The following MAPK10 variants were observed in gnomAD, a reference collection of about 807,000 sequenced individuals.
The protein encoded by MAPK10 is JNK3 alpha protein kinase.
MAPK10 carries 25 observed loss-of-function variants against 59.3 expected under a neutral mutation model. That is an observed-to-expected ratio of 0.42 (90% CI 0.31 to 0.59). The LOEUF is 0.59. MAPK10 is among the 20% of genes least tolerant of loss of function. The pLI is 0.15. For synonymous variants in MAPK10, 190 were observed against 200.5 expected (o/e 0.95, Z 0.44); for missense variants, 351 against 568.9 (o/e 0.62, Z 3.90).
intron 1 of MAPK10, among the ~76,000 whole-genome samples, chr4:86,517,269 C>CTTTTTTT (rs1176457005): frequency 3.6e-4 from 30 of 84,276 alleles, no homozygotes; most frequent in Non-Finnish European, 4.4e-4. Flanking sequence ...GGTGTATTAT[C>CTTTTTTT]TTTTTTTTTT....
At chr4:86,434,833 C>T (rs1748498284) in intron 1 of MAPK10, among the ~76,000 whole-genome samples, 1 of 152,212 alleles carries the variant, frequency 6.6e-6, no homozygotes, top group African/African-American at 2.4e-5. Flanking sequence ...ATTGAAGAGA[C>T]ATCTGTACTC....
At chr4:86,172,401 A>G (rs995432939) in intron 3 of MAPK10, among the ~76,000 whole-genome samples, 1 of 150,736 alleles carries the variant, frequency 6.6e-6, no homozygotes, top group Non-Finnish European at 1.5e-5. Context: ...GCCATAAAAA[A>G]TGATGAGTTC....
At chr4:86,100,300 CT>C (rs2055104314) in intron 8 of MAPK10, 1 of 152,042 alleles carries the variant, frequency 6.6e-6, no homozygotes, top group Non-Finnish European at 1.5e-5. Context: ...CATTGCAATG[CT>C]TTCTAACATA....
intron 1 of MAPK10, chr4:86,542,382 T>G (rs1758780246): frequency 1.3e-5 from 2 of 152,224 alleles, no homozygotes; most frequent in Admixed American, 1.3e-4. Flanking sequence ...TCAACCTCCT[T>G]TAGCCCCAAA....
At chr4:86,562,517 T>G (rs1186637037) in intron 1 of MAPK10, among the ~76,000 whole-genome samples, 1 of 151,852 alleles carries the variant, frequency 6.6e-6, no homozygotes, top group Admixed American at 6.6e-5. Flanking sequence ...AAGGAGACCT[T>G]ATCTCAGTAA....
intron 3 of MAPK10, among the ~76,000 whole-genome samples, chr4:86,161,037 T>C (rs1236492810): frequency 6.6e-6 from 1 of 151,964 alleles, no homozygotes; most frequent in African/African-American, 2.4e-5. Context: ...AATCCAGTGC[T>C]AGGATCTTGA....
intron 2 of MAPK10, among the ~76,000 whole-genome samples, chr4:86,229,573 TA>T (rs1168211927): frequency 1.3e-5 from 2 of 152,176 alleles, no homozygotes; most frequent in Non-Finnish European, 2.9e-5. Context: ...TGGCCTGTGT[TA>T]TGAAGGAAAT....
chr4:86,179,063 A>G (rs147252082), intron 3 of MAPK10, among the ~76,000 whole-genome samples: 12,850 of 152,000 alleles, frequency 0.085, 1,203 homozygotes, highest in African/African-American at 0.23. Flanking sequence ...TTAGCCAGGC[A>G]TGGTGGTCAG....
chr4:86,303,849 A>G (rs2095513548), intron 2 of MAPK10, among the ~76,000 whole-genome samples: 1 of 152,236 alleles, frequency 6.6e-6, no homozygotes, highest in African/African-American at 2.4e-5. Context: ...TGCTACAGAT[A>G]AGAATCATCT....
intron 13 of MAPK10, among the ~76,000 whole-genome samples, chr4:86,019,125 T>C (rs1744930889): frequency 6.6e-6 from 1 of 152,134 alleles, no homozygotes; most frequent in South Asian, 2.1e-4. Context: ...TGAAAAAATA[T>C]AGGAAATAAA....
intron 3 of MAPK10, chr4:86,193,719 A>T (rs373549328): frequency 6.4e-4 from 99 of 155,864 alleles, no homozygotes; most frequent in Middle Eastern, 6.3e-3. Flanking sequence ...CCTAAGCTAG[A>T]CCACTTGGCT....
At chr4:86,469,492 C>A (rs934650422) in intron 1 of MAPK10, among the ~76,000 whole-genome samples, 4 of 152,250 alleles carry the variant, frequency 2.6e-5, no homozygotes, top group Non-Finnish European at 5.9e-5. Flanking sequence ...ATGGTTCTGT[C>A]TAGTAGATAA....
intron 1 of MAPK10, among the ~76,000 whole-genome samples, chr4:86,372,444 G>C (rs994511261): frequency 1.3e-5 from 2 of 151,640 alleles, no homozygotes; most frequent in African/African-American, 4.9e-5. Flanking sequence ...TTGAACCCAG[G>C]AGGCGGAGGT....
intron 2 of MAPK10, among the ~76,000 whole-genome samples, chr4:86,323,724 T>G (rs1423538353): frequency 6.6e-6 from 1 of 152,222 alleles, no homozygotes; most frequent in Non-Finnish European, 1.5e-5. Context: ...AAAAATTATT[T>G]TGCTATTTTA....
At chr4:86,063,532 A>G (rs1177217272) in intron 11 of MAPK10, among the ~76,000 whole-genome samples, 3 of 152,176 alleles carry the variant, frequency 2.0e-5, no homozygotes, top group Non-Finnish European at 2.9e-5. Context: ...CAGGAGGCCT[A>G]TAGAACACAC....
In MAPK10 at chr4:86,526,113, A is replaced by G. The variant is rs939947348; in HGVS notation, c.-263+67797T>C. 2.0e-5 allele frequency among the ~76,000 whole-genome samples: 3 copies of G among 151,992 alleles called. No individual in the cohort carries two copies. In the East Asian group the frequency reaches 5.8e-4, roughly 29 times the overall value. On this transcript the variant is annotated intron_variant, in intron 1 of 4. Coordinates refer to the MAPK10 transcript ENST00000502302. ...AAGATAGGAAGAGTCCCTCCTTCTC[A>G]ATGTTTTTGGAATAGTTTCAGTAGA...
chr4:86,285,190 T>C (rs950989769), intron 2 of MAPK10, among the ~76,000 whole-genome samples: 3 of 152,138 alleles, frequency 2.0e-5, no homozygotes, highest in African/African-American at 4.8e-5. Flanking sequence ...TTAAAGACCA[T>C]TCTTCAGCAA....
At position 86,487,349 on chromosome 4, in the gene MAPK10, A is replaced by AAG. The variant is rs1201428336; in HGVS notation, c.-263+106559_-263+106560dup. Among the ~76,000 whole-genome samples the AAG allele has an allele frequency of 7.2e-3, 629 of 87,398 alleles. 4 individuals are homozygous for AAG. Among genetic ancestry groups the AAG allele is most frequent in the African/African-American group, 0.022 (595 of 27,516 alleles). 57.3% of individuals were successfully genotyped at this position (87,398 alleles called of 152,430 possible). On this transcript the variant is annotated intron_variant, in intron 1 of 4. Coordinates refer to the MAPK10 transcript ENST00000502302. ...GCAAGCTATCTAAAATAGTTCATAA[A>AAG]AGAGAGAGAGAGAGTGTGTGTGTGT...
chr4:86,297,268 C>T (rs2095382280), intron 2 of MAPK10, among the ~76,000 whole-genome samples: 1 of 152,138 alleles, frequency 6.6e-6, no homozygotes, highest in East Asian at 1.9e-4. Context: ...TACATAAAAA[C>T]TATAAGCATA....
Sources: allele counts gnomAD v4.1 joint callset (sites outside exome capture counted in the v4.1 genomes callset), GRCh38; gene constraint gnomAD v4.1.1; transcripts MANE v1.5; gene names NCBI Gene and HGNC (gene_info 2026-07-23, HGNC 2026-07-21).